The following FSTL4 variants were observed in gnomAD, a reference collection of about 807,000 sequenced individuals.
The protein encoded by FSTL4 is follistatin-related protein 4.
Under a neutral mutation model 78.2 loss-of-function variants are expected in FSTL4, and 28 were observed. The ratio of observed to expected loss-of-function variants is 0.36; its 90% CI spans 0.27 to 0.49. The LOEUF (loss-of-function observed/expected upper bound fraction) is 0.49, where lower values mean the gene tolerates loss of function less well. Among genes scored for constraint, FSTL4 ranks in the 20% least tolerant of loss-of-function variants. FSTL4 has a pLI of 0.98. For synonymous variants in FSTL4, 422 were observed against 440.5 expected (o/e 0.96, Z 0.53); for missense variants, 922 against 1,084.9 (o/e 0.85, Z 2.11).
At chr5:133,518,109 A>C (rs1758902379) in intron 3 of FSTL4, among the ~76,000 whole-genome samples, 1 of 152,258 alleles carries the variant, frequency 6.6e-6, no homozygotes, top group African/African-American at 2.4e-5. Context: ...TTATATGCAT[A>C]TAAACGAATG....
At chr5:133,701,509 A>ACACACACACACACACACC in the FSTL4 span, among the ~76,000 whole-genome samples, 356 of 132,662 alleles carry the variant, frequency 2.7e-3, 3 homozygotes, top group East Asian at 7.0e-3. Flanking sequence ...ACACACACAC[A>ACACACACACACACACACC]CCCCACAGGC....
intron 6 of FSTL4, among the ~76,000 whole-genome samples, chr5:133,283,248 GTGTGTGTGTGTGTGTC>G (rs1753051948): frequency 6.6e-6 from 1 of 151,952 alleles, no homozygotes; most frequent in African/African-American, 2.4e-5. Context: ...GCGTGTGTGT[GTGTGTGTGTGTGTGTC>G]TGTGTGTGTG....
At chr5:133,397,800 A>G (rs1756107352) in intron 4 of FSTL4, among the ~76,000 whole-genome samples, 1 of 152,254 alleles carries the variant, frequency 6.6e-6, no homozygotes, top group South Asian at 2.1e-4. Context: ...AAAGTCCCAG[A>G]GAATGAAGTC....
intron 3 of FSTL4, among the ~76,000 whole-genome samples, chr5:133,477,781 A>G (rs182979976): frequency 1.3e-5 from 2 of 150,154 alleles, no homozygotes; most frequent in African/African-American, 5.1e-5. Flanking sequence ...AAACTCTGCA[A>G]AAAATGTTTT....
chr5:133,735,403 G>T, the FSTL4 span, among the ~76,000 whole-genome samples: 1 of 152,160 alleles, frequency 6.6e-6, no homozygotes. Flanking sequence ...GTCAGAGGTT[G>T]CAGTGAGCCG....
At chr5:133,553,826 C>T (rs370013107) in intron 3 of FSTL4, among the ~76,000 whole-genome samples, 6 of 152,286 alleles carry the variant, frequency 3.9e-5, no homozygotes, top group African/African-American at 7.2e-5. Context: ...TAGGATATGG[C>T]GGCTAAGTCT....
At chr5:133,829,702 G>C in the FSTL4 span, among the ~76,000 whole-genome samples, 1 of 152,194 alleles carries the variant, frequency 6.6e-6, no homozygotes, top group East Asian at 1.9e-4. Flanking sequence ...TCCCAGCCCA[G>C]GGAGAGATAG....
the FSTL4 span, among the ~76,000 whole-genome samples, chr5:133,678,361 A>G: frequency 2.0e-5 from 3 of 152,170 alleles, no homozygotes; most frequent in Non-Finnish European, 2.9e-5. Flanking sequence ...AGTGGCAGTA[A>G]AACAGTGAAA....
At chr5:133,650,240 C>T in the FSTL4 span, among the ~76,000 whole-genome samples, 18 of 152,270 alleles carry the variant, frequency 1.2e-4, 1 homozygote, top group African/African-American at 4.3e-4. Flanking sequence ...GGCCCCATCC[C>T]CAACATCAGG....
intron 4 of FSTL4, among the ~76,000 whole-genome samples, chr5:133,390,799 C>G (rs966314800): frequency 1.3e-5 from 2 of 152,212 alleles, no homozygotes; most frequent in East Asian, 3.9e-4. Context: ...TAACTTGACA[C>G]AGTGGCAAGT....
At chr5:133,460,572 G>C (rs1757572247) in intron 3 of FSTL4, among the ~76,000 whole-genome samples, 1 of 152,206 alleles carries the variant, frequency 6.6e-6, no homozygotes, top group African/African-American at 2.4e-5. Flanking sequence ...TCCGTTTTAA[G>C]AAGTAACAGG....
chr5:133,539,634 G>A (rs893272446), intron 3 of FSTL4, among the ~76,000 whole-genome samples: 4 of 152,060 alleles, frequency 2.6e-5, no homozygotes, highest in African/African-American at 9.7e-5. Flanking sequence ...GGCTCCGGTC[G>A]ACTCCAGGAA....
chr5:133,789,763 C>T, the FSTL4 span, among the ~76,000 whole-genome samples: 1 of 152,156 alleles, frequency 6.6e-6, no homozygotes, highest in Non-Finnish European at 1.5e-5. Flanking sequence ...TAGTAGATGA[C>T]CACCCCTCAC....
At chr5:133,266,199 G>A (rs1752637297) in intron 6 of FSTL4, among the ~76,000 whole-genome samples, 1 of 152,250 alleles carries the variant, frequency 6.6e-6, no homozygotes, top group Non-Finnish European at 1.5e-5. Context: ...CAGAGCCCAG[G>A]CGTGGGGGCC....
At chr5:133,516,807 A>C (rs1758860426) in intron 3 of FSTL4, among the ~76,000 whole-genome samples, 1 of 152,228 alleles carries the variant, frequency 6.6e-6, no homozygotes, top group African/African-American at 2.4e-5. Context: ...CAGACTAAAA[A>C]TCTAGGAAGA....
At chr5:133,353,205 C>T (rs1368329337) in intron 4 of FSTL4, among the ~76,000 whole-genome samples, 1 of 152,246 alleles carries the variant, frequency 6.6e-6, no homozygotes, top group Admixed American at 6.5e-5. Context: ...TCCTCCACCC[C>T]TTCAATAAAG....
intron 3 of FSTL4, among the ~76,000 whole-genome samples, chr5:133,536,910 G>C (rs1413764316): frequency 6.6e-6 from 1 of 152,106 alleles, no homozygotes; most frequent in Admixed American, 6.5e-5. Context: ...TTTAAATTAT[G>C]AACAGAGGTG....
At chr5:133,535,295 A>C (rs946693287) in intron 3 of FSTL4, among the ~76,000 whole-genome samples, 14 of 152,222 alleles carry the variant, frequency 9.2e-5, no homozygotes, top group African/African-American at 2.7e-4. Context: ...CTGGCCATTA[A>C]AAAAATCTCT....
At chr5:133,312,367 T>G in intron 6 of FSTL4, 2 of 385,610 alleles carry the variant, frequency 5.2e-6, no homozygotes, top group African/African-American at 2.1e-5. Flanking sequence ...CCCCAAAGGG[T>G]GTTCACAGTG....
Sources: allele counts gnomAD v4.1 joint callset (sites outside exome capture counted in the v4.1 genomes callset), GRCh38; gene constraint gnomAD v4.1.1; transcripts MANE v1.5; gene names NCBI Gene and HGNC (gene_info 2026-07-23, HGNC 2026-07-21).